RTL4: variants seen among roughly 807,000 people sequenced by gnomAD.
RTL4 encodes retrotransposon Gag-like protein 4.
A neutral mutation model predicts 5.3 loss-of-function variants in RTL4; 4 were observed. The observed-to-expected ratio is 0.75, with a 90% CI of 0.37 to 1.72. RTL4 has a LOEUF of 1.72. RTL4 is among the 40% of genes most tolerant of loss of function. The pLI, the probability that RTL4 is intolerant of heterozygous loss-of-function variation, is 0.04. For synonymous variants in RTL4, 98 were observed against 87.3 expected (o/e 1.12, Z -0.68); for missense variants, 260 against 227.1 (o/e 1.14, Z -0.93).
chrX:112,451,992 A>G (rs1264644649), upstream of RTL4, among the ~76,000 whole-genome samples: 2 of 111,633 alleles, frequency 1.8e-5, no homozygotes, highest in East Asian at 5.6e-4. Context: ...CCTGGGATTC[A>G]TCCCAGACTT....
the RTL4 span, among the ~76,000 whole-genome samples, chrX:112,355,482 G>C: frequency 9.0e-6 from 1 of 111,340 alleles, no homozygotes; most frequent in South Asian, 3.8e-4. Context: ...AAAAGGAGAG[G>C]ATAGAAGGGT....
the RTL4 span, among the ~76,000 whole-genome samples, chrX:112,087,238 C>T: frequency 7.3e-5 from 8 of 110,105 alleles, no homozygotes; most frequent in East Asian, 2.3e-3. Flanking sequence ...CCCTCCCCAG[C>T]TTATTAAAAA....
At chrX:112,267,924 G>T in the RTL4 span, among the ~76,000 whole-genome samples, 1 of 111,172 alleles carries the variant, frequency 9.0e-6, no homozygotes, top group Admixed American at 9.6e-5. Flanking sequence ...GTCATGTTTG[G>T]ATCATTGCAA....
chrX:112,410,774 A>G, the RTL4 span, among the ~76,000 whole-genome samples: 1 of 111,971 alleles, frequency 8.9e-6, no homozygotes. Context: ...TGCCTACATC[A>G]AAAAATAAGA....
chrX:112,294,684 T>C, the RTL4 span, among the ~76,000 whole-genome samples: 1 of 112,323 alleles, frequency 8.9e-6, no homozygotes, highest in South Asian at 3.8e-4. Flanking sequence ...TGCTATGTAG[T>C]TTGGCATCTC....
At chrX:112,397,778 A>T in the RTL4 span, among the ~76,000 whole-genome samples, 1 of 111,853 alleles carries the variant, frequency 8.9e-6, no homozygotes, top group African/African-American at 3.2e-5. Context: ...TGAATTTAAA[A>T]TTTTGCTTAC....
the RTL4 span, among the ~76,000 whole-genome samples, chrX:112,174,499 G>A: frequency 9.4e-6 from 1 of 106,197 alleles, no homozygotes; most frequent in African/African-American, 3.4e-5. Context: ...CATTTGGGTT[G>A]GTTCCAAGTC....
At chrX:112,269,754 G>A in the RTL4 span, among the ~76,000 whole-genome samples, 45 of 111,766 alleles carry the variant, frequency 4.0e-4, no homozygotes, top group African/African-American at 1.3e-3. Context: ...TCACTTAGTT[G>A]CCTTTCTTTG....
At chrX:112,431,248 C>T in the RTL4 span, among the ~76,000 whole-genome samples, 1 of 83,199 alleles carries the variant, frequency 1.2e-5, no homozygotes, top group Non-Finnish European at 2.3e-5. Context: ...GCTTGTTAGG[C>T]TCTGGTGAAA....
the RTL4 span, among the ~76,000 whole-genome samples, chrX:112,394,934 G>A: frequency 1.8e-5 from 2 of 111,568 alleles, no homozygotes; most frequent in Non-Finnish European, 3.8e-5. Context: ...TCAGCATGTG[G>A]GTGTTTTGTT....
the RTL4 span, among the ~76,000 whole-genome samples, chrX:112,355,555 C>T: frequency 9.0e-6 from 1 of 111,489 alleles, no homozygotes; most frequent in African/African-American, 3.2e-5. Flanking sequence ...CAACAAAAGT[C>T]ATCCTTTTTG....
downstream of RTL4, among the ~76,000 whole-genome samples, chrX:112,457,336 G>T (rs757762090): frequency 1.6e-4 from 18 of 111,813 alleles, 1 homozygote; most frequent in Non-Finnish European, 3.2e-4. Context: ...TACTCTATAT[G>T]CTCCCACAAC....
At chrX:112,189,695 C>T in the RTL4 span, among the ~76,000 whole-genome samples, 1 of 107,355 alleles carries the variant, frequency 9.3e-6, no homozygotes. Context: ...ACCCAGGAGG[C>T]AGAGGTTGCA....
chrX:112,391,843 G>A, the RTL4 span, among the ~76,000 whole-genome samples: 1 of 111,425 alleles, frequency 9.0e-6, no homozygotes, highest in Non-Finnish European at 1.9e-5. Flanking sequence ...AAAACTTGGA[G>A]ACAGAAGAGA....
chrX:112,326,293 T>G, the RTL4 span, among the ~76,000 whole-genome samples: 1 of 111,390 alleles, frequency 9.0e-6, no homozygotes, highest in Non-Finnish European at 1.9e-5. Context: ...TCAGTGGATG[T>G]GCGCACCGTG....
At chrX:112,317,992 C>A in the RTL4 span, among the ~76,000 whole-genome samples, 2 of 112,207 alleles carry the variant, frequency 1.8e-5, no homozygotes, top group African/African-American at 6.5e-5. Context: ...AATATGCTGA[C>A]CACTGATGCT....
chrX:112,342,927 C>T, the RTL4 span, among the ~76,000 whole-genome samples: 1 of 111,327 alleles, frequency 9.0e-6, no homozygotes, highest in Non-Finnish European at 1.9e-5. Flanking sequence ...TGGTGAAACC[C>T]CGTCTCTACT....
the RTL4 span, among the ~76,000 whole-genome samples, chrX:112,163,974 G>C: frequency 8.9e-6 from 1 of 111,890 alleles, no homozygotes; most frequent in Non-Finnish European, 1.9e-5. Context: ...TGGGGAGATA[G>C]TTTAGTGACA....
chrX:112,240,966 G>A, the RTL4 span, among the ~76,000 whole-genome samples: 6 of 111,051 alleles, frequency 5.4e-5, no homozygotes, highest in Non-Finnish European at 9.4e-5. Context: ...ATGGTTTCCA[G>A]CTTCATCCAT....
Sources: allele counts gnomAD v4.1 joint callset (sites outside exome capture counted in the v4.1 genomes callset), GRCh38; gene constraint gnomAD v4.1.1; transcripts MANE v1.5; gene names NCBI Gene and HGNC (gene_info 2026-07-23, HGNC 2026-07-21).